SNTG2: variants seen among roughly 807,000 people sequenced by gnomAD.
SNTG2 encodes gamma-2-syntrophin.
In SNTG2, 74 loss-of-function variants were observed where a neutral mutation model predicts 70.9. The observed-to-expected ratio is 1.04, with a 90% CI of 0.86 to 1.27. SNTG2 has a LOEUF of 1.27. SNTG2 is among the 50% of genes most tolerant of loss of function. The pLI is 0.00. For synonymous variants in SNTG2, 278 were observed against 273.8 expected (o/e 1.02, Z -0.15); for missense variants, 717 against 690.7 (o/e 1.04, Z -0.43).
At chr2:1,144,826 A>G (rs1351863902) in intron 6 of SNTG2, among the ~76,000 whole-genome samples, 1 of 152,194 alleles carries the variant, frequency 6.6e-6, no homozygotes, top group African/African-American at 2.4e-5. Flanking sequence ...ACAATCCAAG[A>G]TGAGATTTGG....
At chr2:1,226,432 C>T (rs554173478) in intron 9 of SNTG2, among the ~76,000 whole-genome samples, 9 of 152,240 alleles carry the variant, frequency 5.9e-5, no homozygotes, top group South Asian at 2.1e-4. Flanking sequence ...CGCTCCATCC[C>T]CAGCACCAAC....
At chr2:1,279,833 A>G (rs1466140295) in intron 14 of SNTG2, among the ~76,000 whole-genome samples, 1 of 152,224 alleles carries the variant, frequency 6.6e-6, no homozygotes, top group African/African-American at 2.4e-5. Context: ...TGAGCACCAT[A>G]GCTAGATACA....
chr2:1,259,478 A>G (rs1418949259), intron 13 of SNTG2, 37 bp downstream of exon 13: 23 of 1,535,710 alleles, frequency 1.5e-5, no homozygotes, highest in Non-Finnish European at 2.1e-5. Context: ...TTTCATACAA[A>G]TAAGATGCCC....
intron 4 of SNTG2, among the ~76,000 whole-genome samples, chr2:1,117,355 A>T (rs754809684): frequency 8.5e-5 from 13 of 152,166 alleles, no homozygotes; most frequent in Non-Finnish European, 1.6e-4. Context: ...CCTAATATTA[A>T]TACACTGCAA....
chr2:1,203,057 T>C (rs1572714573), intron 8 of SNTG2, among the ~76,000 whole-genome samples: 1 of 152,258 alleles, frequency 6.6e-6, no homozygotes, highest in East Asian at 1.9e-4. Context: ...ACCTTATGAA[T>C]CAACTGGGAC....
intron 2 of SNTG2, among the ~76,000 whole-genome samples, chr2:1,096,880 C>T (rs921022847): frequency 2.6e-5 from 4 of 152,168 alleles, no homozygotes; most frequent in Middle Eastern, 3.4e-3. Flanking sequence ...AATGAGAGCC[C>T]GTGGTATGGA....
Position 955,979 on chromosome 2 carries a change from A to C in SNTG2, c.72+4911A>C, listed in dbSNP as rs556335621. Among the ~76,000 whole-genome samples the C allele has an allele frequency of 6.3e-3, 480 of 76,560 alleles. 2 individuals carry two copies. The highest frequency in any genetic ancestry group is 0.023 in the African/African-American group (445 of 19,696). The allele number at this position is 76,560 out of a possible 152,430, so 50.2% of individuals were successfully genotyped here. On this transcript the variant is annotated intron_variant, in intron 1 of 16. Coordinates refer to ENST00000308624, the MANE Select transcript of SNTG2 (RefSeq NM_018968.4). ...TCCCTGCCCCTGCCCCTGCCCCTGC[A>C]TCTGCATCTGCATCTGCCCTGGCCC...
intron 14 of SNTG2, among the ~76,000 whole-genome samples, chr2:1,282,883 G>C (rs1229147651): frequency 6.6e-6 from 1 of 152,226 alleles, no homozygotes; most frequent in Non-Finnish European, 1.5e-5. Context: ...AGCCAGATGA[G>C]CTCCCTTTGC....
intron 10 of SNTG2, 53 bp downstream of exon 10, chr2:1,238,070 A>G: frequency 6.4e-7 from 1 of 1,558,528 alleles, no homozygotes; most frequent in East Asian, 2.3e-5. Context: ...TGCATGAAAA[A>G]TAATGGAGAC....
At chr2:1,032,535 A>C (rs564503949) in intron 1 of SNTG2, among the ~76,000 whole-genome samples, 21 of 152,336 alleles carry the variant, frequency 1.4e-4, no homozygotes, top group African/African-American at 5.1e-4. Flanking sequence ...TATTTGATAC[A>C]TTTAAATTCA....
At position 1,098,417 on chromosome 2, in the gene SNTG2, A is replaced by G; in HGVS notation, c.325+7A>G. 6.2e-7 allele frequency: 1 copy of G among 1,613,974 alleles called. No individual in the cohort carries two copies. Among genetic ancestry groups the G allele is most frequent in the South Asian group, 1.1e-5 (1 of 91,082 alleles). Reference sequence around the variant, plus strand: ...ATATTCGAAGACCAAGCAGGTAAAAACAGCCAAAATGACCTGTGTATGCAT... The same window carrying G: ...ATATTCGAAGACCAAGCAGGTAAAAGCAGCCAAAATGACCTGTGTATGCAT... On this transcript the variant is annotated splice_region_variant and intron_variant, in intron 4 of 16. Coordinates refer to ENST00000308624, the MANE Select transcript of SNTG2 (RefSeq NM_018968.4).
At chr2:1,053,196 C>A (rs1018758254) in intron 1 of SNTG2, among the ~76,000 whole-genome samples, 3 of 152,160 alleles carry the variant, frequency 2.0e-5, no homozygotes, top group African/African-American at 7.2e-5. Context: ...CTTCACTGTG[C>A]TTTTCAGATC....
intron 2 of SNTG2, among the ~76,000 whole-genome samples, chr2:1,096,841 T>C (rs1181120720): frequency 1.3e-5 from 2 of 152,144 alleles, no homozygotes; most frequent in Non-Finnish European, 2.9e-5. Context: ...ATCTGTGGCA[T>C]TTCAGGTAAA....
At chr2:1,190,543 CAT>C (rs1190601651) in intron 8 of SNTG2, among the ~76,000 whole-genome samples, 98 of 99,236 alleles carry the variant, frequency 9.9e-4, no homozygotes, top group African/African-American at 3.7e-3. Context: ...ATATATATGA[CAT>C]ATATAAACAT....
chr2:1,309,892 C>G (rs1680895484), intron 15 of SNTG2, among the ~76,000 whole-genome samples: 1 of 152,194 alleles, frequency 6.6e-6, no homozygotes, highest in Non-Finnish European at 1.5e-5. Flanking sequence ...TTCCCGCTGT[C>G]CCTGGTCTGC....
rs183928309 is a variant in SNTG2, at chr2:956,727, C to T, written c.72+5659C>T. Among the ~76,000 whole-genome samples the T allele has an allele frequency of 3.9e-5, 6 of 152,370 alleles. No individual in the cohort carries two copies. In the East Asian group the frequency reaches 7.7e-4, roughly 20 times the overall value. ...CGGGGAACTCGGTTCTGCCCTGCTG[C>T]GTGGTAGCTGACCCATGTGTCAGTT... is the stretch of plus-strand genomic sequence containing the variant. On this transcript the variant is annotated intron_variant, in intron 1 of 16. Transcript: ENST00000308624.
Position 994,224 on chromosome 2 carries a change from A to C in SNTG2, c.72+43156A>C, listed in dbSNP as rs569949460. 9.9e-4 allele frequency among the ~76,000 whole-genome samples: 150 copies of C among 152,236 alleles called. 2 individuals are homozygous for C. The highest frequency in any genetic ancestry group is 3.0e-3 in the African/African-American group (124 of 41,572). On this transcript the variant is annotated intron_variant, in intron 1 of 16. Coordinates refer to ENST00000308624, the MANE Select transcript of SNTG2 (RefSeq NM_018968.4). ...CGTATTTATTTTTTAAATTGTGGATATCCAGAGAGCCCAGCATCATATTTT... is the reference window on the plus strand; with the variant it reads ...CGTATTTATTTTTTAAATTGTGGATCTCCAGAGAGCCCAGCATCATATTTT...
At chr2:1,358,144 G>A (rs998604027) in intron 16 of SNTG2, among the ~76,000 whole-genome samples, 6 of 151,928 alleles carry the variant, frequency 3.9e-5, no homozygotes, top group Admixed American at 6.6e-5. Flanking sequence ...TTCCAATAGC[G>A]GAACCAATCC....
chr2:1,031,528 A>ATATATATTTTTTTTTTTTT, intron 1 of SNTG2, among the ~76,000 whole-genome samples: 9 of 59,140 alleles, frequency 1.5e-4, no homozygotes, highest in Non-Finnish European at 3.1e-5. Context: ...ATATATATAT[A>ATATATATTTTTTTTTTTTT]TTTTTTTTTT....
Sources: allele counts gnomAD v4.1 joint callset (sites outside exome capture counted in the v4.1 genomes callset), GRCh38; gene constraint gnomAD v4.1.1; transcripts MANE v1.5; gene names NCBI Gene and HGNC (gene_info 2026-07-23, HGNC 2026-07-21).